The following CSMD3 variants were observed in gnomAD, a reference collection of about 807,000 sequenced individuals.
The protein encoded by CSMD3 is CUB and sushi domain-containing protein 3.
A neutral mutation model predicts 435.2 loss-of-function variants in CSMD3; 177 were observed. That is an observed-to-expected ratio of 0.41 (90% CI 0.36 to 0.46). CSMD3 has a LOEUF of 0.46. Among genes scored for constraint, CSMD3 ranks in the 20% least tolerant of loss-of-function variants. CSMD3 has a pLI of 0.34. For synonymous variants in CSMD3, 1,656 were observed against 1,520.5 expected (o/e 1.09, Z -2.07); for missense variants, 4,265 against 4,504.6 (o/e 0.95, Z 1.52).
At chr8:113,040,737 G>T (rs151042585) in intron 5 of CSMD3, among the ~76,000 whole-genome samples, 1 of 152,096 alleles carries the variant, frequency 6.6e-6, no homozygotes, top group Non-Finnish European at 1.5e-5. Flanking sequence ...AGAAGTCCAA[G>T]TATTGATATC....
At chr8:112,950,815 G>A (rs954581921) in intron 8 of CSMD3, among the ~76,000 whole-genome samples, 9 of 151,834 alleles carry the variant, frequency 5.9e-5, no homozygotes, top group Admixed American at 2.6e-4. Context: ...CAGAAAGCTC[G>A]GCAAGGCAGA....
At chr8:113,258,409 T>C (rs1409704571) in intron 3 of CSMD3, among the ~76,000 whole-genome samples, 2 of 152,152 alleles carry the variant, frequency 1.3e-5, no homozygotes, top group Non-Finnish European at 2.9e-5. Flanking sequence ...TAGCAATATA[T>C]TGTTTAGCGG....
intron 10 of CSMD3, among the ~76,000 whole-genome samples, chr8:112,920,428 T>C (rs552742742): frequency 1.3e-5 from 2 of 151,960 alleles, no homozygotes; most frequent in Admixed American, 6.6e-5. Flanking sequence ...TATATTCATA[T>C]TTTTAAACAT....
At position 112,503,980 on chromosome 8, in the gene CSMD3, GA is replaced by G. The variant is rs569881974; in HGVS notation, c.4896-4del. 2.6e-4 allele frequency: 373 copies of G among 1,426,132 alleles called. No individual in the cohort carries two copies. The highest frequency in any genetic ancestry group is 8.0e-4 in the South Asian group (65 of 81,352). The allele number at this position is 1,426,132 out of a possible 1,614,324, so 88.3% of individuals were successfully genotyped here. On this transcript the variant is annotated splice_polypyrimidine_tract_variant and splice_region_variant and intron_variant, in intron 29 of 70. Coordinates refer to ENST00000297405, the MANE Select transcript of CSMD3 (RefSeq NM_198123.2). ...CATAGTTTGGTTCTATGCTAAAACTGAAAAAAAAAAGGAAAGAACAAAAGAA... is the reference window on the plus strand; with the variant it reads ...CATAGTTTGGTTCTATGCTAAAACTGAAAAAAAAAGGAAAGAACAAAAGAA...
chr8:113,361,579 G>A (rs1315357060), intron 1 of CSMD3, among the ~76,000 whole-genome samples: 1 of 151,982 alleles, frequency 6.6e-6, no homozygotes, highest in Admixed American at 6.6e-5. Flanking sequence ...AGTTAGACAA[G>A]ACAGTGTATC....
intron 13 of CSMD3, among the ~76,000 whole-genome samples, chr8:112,724,805 A>T (rs2076930641): frequency 6.6e-6 from 1 of 152,092 alleles, no homozygotes; most frequent in African/African-American, 2.4e-5. Context: ...ATCAGACAGA[A>T]GAGGAGAAAA....
chr8:113,240,472 C>G (rs1052289782), intron 3 of CSMD3, among the ~76,000 whole-genome samples: 1 of 152,098 alleles, frequency 6.6e-6, no homozygotes, highest in Admixed American at 6.6e-5. Context: ...ACACTCCTAC[C>G]GAAAGTATGT....
intron 1 of CSMD3, among the ~76,000 whole-genome samples, chr8:113,401,804 G>C (rs1013568338): frequency 6.6e-6 from 1 of 151,436 alleles, no homozygotes; most frequent in Non-Finnish European, 1.5e-5. Context: ...CCTTTTCTAT[G>C]TATAAATATG....
At chr8:113,060,883 CAAG>C (rs960007855) in intron 5 of CSMD3, among the ~76,000 whole-genome samples, 3 of 152,148 alleles carry the variant, frequency 2.0e-5, no homozygotes, top group Non-Finnish European at 4.4e-5. Flanking sequence ...TCTGCTATAT[CAAG>C]AAGAATAACA....
intron 5 of CSMD3, among the ~76,000 whole-genome samples, chr8:113,078,016 T>C (rs1271542276): frequency 6.6e-6 from 1 of 152,166 alleles, no homozygotes; most frequent in Non-Finnish European, 1.5e-5. Flanking sequence ...AATAACTCAA[T>C]GAGTTAAAAA....
At chr8:113,153,089 AAAG>A in intron 4 of CSMD3, among the ~76,000 whole-genome samples, 1 of 74,034 alleles carries the variant, frequency 1.4e-5, no homozygotes, top group Admixed American at 1.9e-4. Flanking sequence ...AGAAAGAAAG[AAAG>A]AAAGAAAGAA....
intron 30 of CSMD3, among the ~76,000 whole-genome samples, chr8:112,503,486 G>T (rs1822192492): frequency 6.6e-6 from 1 of 152,168 alleles, no homozygotes; most frequent in Non-Finnish European, 1.5e-5. Flanking sequence ...TCTACAAAAT[G>T]AGGCTTTTTT....
intron 3 of CSMD3, among the ~76,000 whole-genome samples, chr8:113,236,150 G>A (rs972806065): frequency 6.6e-6 from 1 of 152,168 alleles, no homozygotes; most frequent in African/African-American, 2.4e-5. Context: ...ATATGCTAAT[G>A]ATACATATGT....
rs116328799 is a variant in CSMD3, at chr8:112,759,038, A to G, written c.1972+41124T>C. ...CTCTGGAAATAGCATGTTTTCGAAG[A>G]TATATAGATTTCTATCAGAGTAATA... On this transcript the variant is annotated intron_variant, in intron 13 of 70. Coordinates refer to ENST00000297405, the MANE Select transcript of CSMD3 (RefSeq NM_198123.2). Among the ~76,000 whole-genome samples the G allele has an allele frequency of 2.1e-3, 314 of 152,284 alleles. 1 individual carries two copies. The highest frequency in any genetic ancestry group is 7.3e-3 in the African/African-American group (302 of 41,568).
chr8:113,146,870 T>A (rs2131758614), intron 4 of CSMD3, among the ~76,000 whole-genome samples: 1 of 151,776 alleles, frequency 6.6e-6, no homozygotes, highest in Non-Finnish European at 1.5e-5. Flanking sequence ...ATAAAAAGTG[T>A]TCCTTGCTAG....
chr8:113,192,096 T>C (rs911121913), intron 3 of CSMD3, among the ~76,000 whole-genome samples: 4 of 151,752 alleles, frequency 2.6e-5, no homozygotes, highest in Non-Finnish European at 5.9e-5. Flanking sequence ...GATTGTTTTT[T>C]TGCTTGTTGA....
At position 112,658,737 on chromosome 8, in the gene CSMD3, C is replaced by G. The variant is rs190741803; in HGVS notation, c.2817-2396G>C. Among the ~76,000 whole-genome samples, 1,267 of 152,194 alleles carry G rather than the reference C, an allele frequency of 8.3e-3. 22 individuals are homozygous for G. The highest frequency in any genetic ancestry group is 0.029 in the African/African-American group (1,192 of 41,528). On this transcript the variant is annotated intron_variant, in intron 17 of 70. Transcript: ENST00000297405. ...CTTTGGGAGGCTGAGGTGGGTGAGT[C>G]ACCTGAAGTCAGAAGTTTGAGACCA...
intron 5 of CSMD3, among the ~76,000 whole-genome samples, chr8:113,034,687 A>C (rs2087263512): frequency 6.6e-6 from 1 of 152,114 alleles, no homozygotes; most frequent in African/African-American, 2.4e-5. Context: ...CAACATATGT[A>C]AATTATATCT....
intron 4 of CSMD3, among the ~76,000 whole-genome samples, chr8:113,124,246 G>A (rs562787238): frequency 5.3e-5 from 8 of 151,904 alleles, no homozygotes; most frequent in Non-Finnish European, 1.2e-4. Flanking sequence ...ATACTGCAAG[G>A]TCCTTCATGG....
Sources: allele counts gnomAD v4.1 joint callset (sites outside exome capture counted in the v4.1 genomes callset), GRCh38; gene constraint gnomAD v4.1.1; transcripts MANE v1.5; gene names NCBI Gene and HGNC (gene_info 2026-07-23, HGNC 2026-07-21).